Variants in SLC25A48 observed in about 807,000 individuals in gnomAD.
SLC25A48 encodes the protein CTC-321K16.1.
In SLC25A48, 29 loss-of-function variants were observed where a neutral mutation model predicts 32.2. That is an observed-to-expected ratio of 0.90 (90% CI 0.67 to 1.23). The LOEUF is 1.23. Among genes scored for constraint, SLC25A48 ranks in the 50% most tolerant of loss-of-function variants. The pLI is 0.00. For missense variants in SLC25A48, 399 were observed against 422.7 expected, an observed-to-expected ratio of 0.94 and a Z score of 0.49; for synonymous variants, 164 against 172.3, an observed-to-expected ratio of 0.95 and a Z score of 0.38.
At chr5:135,744,149 C>T (rs1755578188) in intron 3 of SLC25A48, among the ~76,000 whole-genome samples, 1 of 152,146 alleles carries the variant, frequency 6.6e-6, no homozygotes, top group Non-Finnish European at 1.5e-5. Flanking sequence ...TGCCTCAAGG[C>T]CTACTGCACT....
chr5:135,859,681 G>T (rs563149287), intron 4 of SLC25A48, among the ~76,000 whole-genome samples: 2 of 152,168 alleles, frequency 1.3e-5, no homozygotes, highest in Non-Finnish European at 2.9e-5. Flanking sequence ...TGATTGGTTG[G>T]CATGCAATCA....
chr5:135,828,727 G>A (rs746355378), intron 4 of SLC25A48, among the ~76,000 whole-genome samples: 61 of 152,234 alleles, frequency 4.0e-4, no homozygotes, highest in Non-Finnish European at 1.5e-4. Context: ...ACTGAGGACT[G>A]CCTCTAGCCT....
At chr5:135,665,594 G>A (rs188998600) in intron 3 of SLC25A48, among the ~76,000 whole-genome samples, 201 of 152,092 alleles carry the variant, frequency 1.3e-3, no homozygotes, top group East Asian at 1.5e-3. Flanking sequence ...TCTATCTTGC[G>A]TTGATTTTTG....
intron 3 of SLC25A48, among the ~76,000 whole-genome samples, chr5:135,793,348 A>C (rs1757083703): frequency 6.6e-6 from 1 of 151,504 alleles, no homozygotes; most frequent in Non-Finnish European, 1.5e-5. Flanking sequence ...CAGAGGGTGT[A>C]CATCATGTGT....
intron 4 of SLC25A48, among the ~76,000 whole-genome samples, chr5:135,858,008 T>G (rs891393690): frequency 2.0e-5 from 3 of 152,142 alleles, no homozygotes; most frequent in African/African-American, 7.2e-5. Flanking sequence ...CCTTCCACCA[T>G]GGGGAGGTGC....
At position 135,766,718 on chromosome 5, in the gene SLC25A48, G is replaced by A. The variant is rs189028811; in HGVS notation, c.-520-45805G>A. ...TTTGTAATATCCTGGGGGAGAGTGG[G>A]TGCTATTACTCCTCATATCCCCAGG... On this transcript the variant is annotated intron_variant, in intron 3 of 10. Coordinates refer to the SLC25A48 transcript ENST00000646290. Among the ~76,000 whole-genome samples the A allele has an allele frequency of 1.5e-3, 226 of 151,248 alleles. 3 individuals carry two copies. Among genetic ancestry groups the A allele is most frequent in the African/African-American group, 4.3e-3 (176 of 41,172 alleles).
At position 135,818,062 on chromosome 5, in the gene SLC25A48, T is replaced by C. The variant is rs554414980; in HGVS notation, c.-117+5136T>C. On this transcript the variant is annotated intron_variant, in intron 4 of 10. Coordinates refer to the SLC25A48 transcript ENST00000646290. ...GGTTTGTTCTCTCTGTTCCTCTCTC[T>C]CTCTCTCTCTCTCTCTCTCTCTCTC... 2.4e-3 allele frequency among the ~76,000 whole-genome samples: 30 copies of C among 12,414 alleles called. No individual in the cohort carries two copies. The South Asian group carries it at 0.12, about 48-fold the overall frequency. 8.1% of individuals were successfully genotyped at this position (12,414 alleles called of 152,430 possible). A position where few individuals can be genotyped will look rare whatever the true frequency, so the allele number is the denominator to read the frequency against.
intron 7 of SLC25A48, among the ~76,000 whole-genome samples, chr5:135,881,043 G>A (rs1762437672): frequency 6.6e-6 from 1 of 152,092 alleles, no homozygotes; most frequent in Admixed American, 6.5e-5. Flanking sequence ...CTGGCACAGA[G>A]CCCAGCACAC....
At chr5:135,711,146 A>T (rs1754653070) in intron 3 of SLC25A48, among the ~76,000 whole-genome samples, 1 of 152,192 alleles carries the variant, frequency 6.6e-6, no homozygotes, top group Admixed American at 6.5e-5. Context: ...AGAAATATTC[A>T]CTGTGGACTT....
chr5:135,630,280 G>A (rs766811170), intron 2 of SLC25A48, among the ~76,000 whole-genome samples: 1 of 152,136 alleles, frequency 6.6e-6, no homozygotes, highest in African/African-American at 2.4e-5. Flanking sequence ...AATCCCAGGA[G>A]GCCTCCTTGA....
At chr5:135,719,756 C>A (rs909725570) in intron 3 of SLC25A48, among the ~76,000 whole-genome samples, 6 of 152,110 alleles carry the variant, frequency 3.9e-5, no homozygotes, top group African/African-American at 1.4e-4. Flanking sequence ...AGAAGGGGCT[C>A]GGATCAGCAT....
intron 3 of SLC25A48, among the ~76,000 whole-genome samples, chr5:135,688,775 T>G (rs116367909): frequency 0.018 from 2,764 of 152,218 alleles, 100 homozygotes; most frequent in African/African-American, 0.063. Context: ...AGTGGTAAAT[T>G]GTACAATGGA....
At chr5:135,858,581 G>A (rs1760524826) in intron 4 of SLC25A48, among the ~76,000 whole-genome samples, 1 of 152,200 alleles carries the variant, frequency 6.6e-6, no homozygotes, top group Non-Finnish European at 1.5e-5. Flanking sequence ...GGGAGACTGA[G>A]GAACAAAGAG....
intron 1 of SLC25A48, among the ~76,000 whole-genome samples, chr5:135,624,758 A>G (rs188075161): frequency 2.0e-4 from 30 of 152,342 alleles, no homozygotes; most frequent in African/African-American, 7.0e-4. Flanking sequence ...TAGAAAAGAC[A>G]GTGATTGTTT....
intron 1 of SLC25A48, among the ~76,000 whole-genome samples, chr5:135,613,880 C>T (rs977653074): frequency 6.6e-6 from 1 of 152,166 alleles, no homozygotes; most frequent in Non-Finnish European, 1.5e-5. Flanking sequence ...GGTGTGATGC[C>T]TCCAGATTTG....
At chr5:135,672,663 C>T (rs919464478) in intron 3 of SLC25A48, among the ~76,000 whole-genome samples, 1 of 152,126 alleles carries the variant, frequency 6.6e-6, no homozygotes, top group Non-Finnish European at 1.5e-5. Context: ...ACGTAACATC[C>T]CCTGTTTTTT....
At chr5:135,664,110 T>C (rs1235429322) in intron 3 of SLC25A48, among the ~76,000 whole-genome samples, 2 of 152,212 alleles carry the variant, frequency 1.3e-5, no homozygotes, top group Non-Finnish European at 2.9e-5. Flanking sequence ...TGAATAAAAT[T>C]TAGGTTCTTC....
intron 3 of SLC25A48, among the ~76,000 whole-genome samples, chr5:135,654,261 C>A (rs1038999525): frequency 1.8e-4 from 28 of 152,134 alleles, no homozygotes; most frequent in Non-Finnish European, 1.5e-5. Context: ...CAACTGTAGC[C>A]TGTTGGAGAG....
intron 3 of SLC25A48, among the ~76,000 whole-genome samples, chr5:135,640,840 ACT>A (rs1325602809): frequency 3.3e-5 from 5 of 152,160 alleles, no homozygotes; most frequent in Non-Finnish European, 7.4e-5. Context: ...ATAGAAGGGA[ACT>A]CTCTCAATTT....
Sources: gnomAD v4.1 joint callset for allele counts (sites outside exome capture counted in the v4.1 genomes callset) on GRCh38, gnomAD v4.1.1 for gene constraint, MANE v1.5 for transcripts, NCBI Gene and HGNC (gene_info 2026-07-23, HGNC 2026-07-21) for gene names.